Variants in ELAPOR2 observed in about 807,000 individuals in gnomAD.
The protein encoded by ELAPOR2 is endosome/lysosome-associated apoptosis and autophagy regulator family member 2.
ELAPOR2 carries 89 observed loss-of-function variants against 120.7 expected under a neutral mutation model. That is an observed-to-expected ratio of 0.74 (90% CI 0.62 to 0.88). The LOEUF is 0.88. Among genes scored for constraint, ELAPOR2 ranks in the 40% least tolerant of loss-of-function variants. The probability of loss-of-function intolerance (pLI) is 0.00; values close to 1 mark genes in which losing one functional copy is unlikely to be tolerated. For missense variants in ELAPOR2, 1,134 were observed against 1,251.6 expected (o/e 0.91, Z 1.42); for synonymous variants, 444 against 444.9 (o/e 1.00, Z 0.03).
chr7:86,938,245 G>T, intron 7 of ELAPOR2, 31 bp from the exon 8 acceptor site: 1 of 1,494,888 alleles, frequency 6.7e-7, no homozygotes. Context: ...TTCAGAAATG[G>T]GTCAATTATT....
At chr7:86,940,454 A>C (rs1790754627) in intron 5 of ELAPOR2, among the ~76,000 whole-genome samples, 1 of 152,078 alleles carries the variant, frequency 6.6e-6, no homozygotes, top group Non-Finnish European at 1.5e-5. Context: ...CCCTCAGCCC[A>C]CTTGTATATT....
chr7:86,902,087 G>A (rs1380198125), intron 18 of ELAPOR2, among the ~76,000 whole-genome samples: 1 of 152,202 alleles, frequency 6.6e-6, no homozygotes, highest in Non-Finnish European at 1.5e-5. Context: ...GTGAGGGCTT[G>A]CTCTCTGCTT....
chr7:86,998,922 G>A (rs1193750585), intron 1 of ELAPOR2, among the ~76,000 whole-genome samples: 1 of 150,632 alleles, frequency 6.6e-6, no homozygotes, highest in African/African-American at 2.4e-5. Flanking sequence ...TATAGATATA[G>A]GAAAATGGCA....
rs990463011 is a variant in ELAPOR2, at chr7:86,877,674, G to A, written c.*2797C>T. 1 of 152,146 alleles carries A rather than the reference G, an allele frequency of 6.6e-6. No individual in the cohort carries two copies. The highest frequency in any genetic ancestry group is 2.4e-5 in the African/African-American group (1 of 41,432). 9.4% of individuals were successfully genotyped at this position (152,146 alleles called of 1,614,324 possible). A position where few individuals can be genotyped will look rare whatever the true frequency, so the allele number is the denominator to read the frequency against. ...AGTGAGAGTTGGCAAGATGGGTCTT[G>A]AAGAAGCAGTCAATCATGACCCACC... On this transcript the variant is annotated 3_prime_UTR_variant, in exon 22 of 22. Coordinates refer to ENST00000450689, the MANE Select transcript of ELAPOR2 (RefSeq NM_001142749.3).
Position 86,968,453 on chromosome 7 carries a change from T to C in ELAPOR2, c.190-3429A>G, listed in dbSNP as rs111463943. 9.8e-3 allele frequency among the ~76,000 whole-genome samples: 1,487 copies of C among 152,310 alleles called. 14 individuals are homozygous for C. The highest frequency in any genetic ancestry group is 0.014 in the Non-Finnish European group (933 of 68,014). On this transcript the variant is annotated intron_variant, in intron 1 of 21. Coordinates refer to ENST00000450689, the MANE Select transcript of ELAPOR2 (RefSeq NM_001142749.3). ...CAATTAGGAAAGTGAAATGAGTTTATTGGGAGATGCAAAACTGGTAAATAT... is the reference window on the plus strand; with the variant it reads ...CAATTAGGAAAGTGAAATGAGTTTACTGGGAGATGCAAAACTGGTAAATAT...
intron 1 of ELAPOR2, among the ~76,000 whole-genome samples, chr7:87,055,787 A>G (rs971322235): frequency 5.3e-5 from 8 of 152,168 alleles, no homozygotes; most frequent in Admixed American, 3.3e-4. Flanking sequence ...ATATTCTTTA[A>G]ATTACTAATT....
intron 12 of ELAPOR2, among the ~76,000 whole-genome samples, chr7:86,915,685 T>A: frequency 6.7e-6 from 1 of 149,858 alleles, no homozygotes; most frequent in East Asian, 1.9e-4. Flanking sequence ...TTCCATTAGT[T>A]ATCTGGGATG....
At chr7:87,023,208 TA>T (rs1406296586) in intron 1 of ELAPOR2, among the ~76,000 whole-genome samples, 3 of 152,234 alleles carry the variant, frequency 2.0e-5, no homozygotes, top group East Asian at 3.9e-4. Flanking sequence ...GTCTAACATT[TA>T]AGTCTTTAAT....
intron 1 of ELAPOR2, among the ~76,000 whole-genome samples, chr7:86,979,315 G>A (rs1386770246): frequency 6.6e-6 from 1 of 152,142 alleles, no homozygotes; most frequent in Non-Finnish European, 1.5e-5. Context: ...CTGTCACTCA[G>A]ATACTATCTG....
At chr7:86,959,999 A>G (rs1056560983) in intron 2 of ELAPOR2, among the ~76,000 whole-genome samples, 4 of 152,032 alleles carry the variant, frequency 2.6e-5, no homozygotes, top group African/African-American at 9.7e-5. Flanking sequence ...ATTTCCATGT[A>G]TTTATCAACT....
intron 21 of ELAPOR2, among the ~76,000 whole-genome samples, chr7:86,883,400 T>G (rs1799515485): frequency 6.6e-6 from 1 of 152,186 alleles, no homozygotes; most frequent in Non-Finnish European, 1.5e-5. Context: ...TCTGAAATCA[T>G]GTATAACAAA....
chr7:87,014,686 C>T (rs1793813312), intron 1 of ELAPOR2, among the ~76,000 whole-genome samples: 1 of 152,038 alleles, frequency 6.6e-6, no homozygotes, highest in African/African-American at 2.4e-5. Flanking sequence ...TTGATTTATA[C>T]AATCAACAAT....
At chr7:86,996,140 T>A (rs1767743) in intron 1 of ELAPOR2, among the ~76,000 whole-genome samples, 57,462 of 151,762 alleles carry the variant, frequency 0.38, 11,704 homozygotes, top group African/African-American at 0.53. Flanking sequence ...CAAAAAAAAA[T>A]TGACAATTAA....
chr7:86,883,699 C>T (rs548375382), intron 21 of ELAPOR2, among the ~76,000 whole-genome samples: 120 of 152,056 alleles, frequency 7.9e-4, no homozygotes, highest in Non-Finnish European at 1.5e-3. Context: ...TAACACTAAC[C>T]TATGGTTTAA....
chr7:87,000,295 C>T (rs373189424), intron 1 of ELAPOR2, among the ~76,000 whole-genome samples: 1 of 152,100 alleles, frequency 6.6e-6, no homozygotes, highest in East Asian at 1.9e-4. Flanking sequence ...TAGGAAAAGC[C>T]TTTCCCTGCT....
At chr7:86,958,694 C>G (rs1158809981) in intron 2 of ELAPOR2, among the ~76,000 whole-genome samples, 1 of 152,178 alleles carries the variant, frequency 6.6e-6, no homozygotes, top group Non-Finnish European at 1.5e-5. Flanking sequence ...TCACTTGCAT[C>G]AGGTTAAAGA....
intron 21 of ELAPOR2, among the ~76,000 whole-genome samples, chr7:86,887,965 T>A (rs796644434): frequency 6.6e-6 from 1 of 152,076 alleles, no homozygotes; most frequent in South Asian, 2.1e-4. Context: ...GCCTCACCAA[T>A]CTAGGGCATG....
intron 1 of ELAPOR2, among the ~76,000 whole-genome samples, chr7:87,031,076 T>G (rs150496033): frequency 0.024 from 3,689 of 152,250 alleles, 168 homozygotes; most frequent in African/African-American, 0.085. Flanking sequence ...CATGATTCAA[T>G]TATCTCCCAC....
chr7:86,997,493 T>C (rs947359262), intron 1 of ELAPOR2, among the ~76,000 whole-genome samples: 5 of 152,170 alleles, frequency 3.3e-5, no homozygotes, highest in African/African-American at 9.7e-5. Flanking sequence ...ATTAGTAATA[T>C]TAGATAAGCA....
Sources: gnomAD v4.1 joint callset for allele counts (sites outside exome capture counted in the v4.1 genomes callset) on GRCh38, gnomAD v4.1.1 for gene constraint, MANE v1.5 for transcripts, NCBI Gene and HGNC (gene_info 2026-07-23, HGNC 2026-07-21) for gene names.